ELAC1: variants seen among roughly 807,000 people sequenced by gnomAD.
ELAC1 encodes zinc phosphodiesterase ELAC protein 1.
In ELAC1, 19 loss-of-function variants were observed where a neutral mutation model predicts 25.8. The observed-to-expected ratio is 0.74, with a 90% CI of 0.51 to 1.08. The LOEUF (loss-of-function observed/expected upper bound fraction) is 1.08, where lower values mean the gene tolerates loss of function less well. Among genes scored for constraint, ELAC1 ranks in the 50% least tolerant of loss-of-function variants. The probability of loss-of-function intolerance (pLI) is 0.00; values close to 1 mark genes in which losing one functional copy is unlikely to be tolerated. For synonymous variants in ELAC1, 148 were observed against 160.9 expected, an observed-to-expected ratio of 0.92 and a Z score of 0.61; for missense variants, 403 against 434.6, an observed-to-expected ratio of 0.93 and a Z score of 0.65.
At position 50,986,660 on chromosome 18, in the gene ELAC1, A is replaced by G. The variant is rs766285345; in HGVS notation, c.667A>G (p.Ile223Val). The G allele has an allele frequency of 1.2e-6, 2 of 1,613,702 alleles. No individual in the cohort carries two copies. The highest frequency in any genetic ancestry group is 1.7e-6 in the Non-Finnish European group (2 of 1,179,692). Residue 223 changes from isoleucine (I) to valine (V), a missense_variant, in exon 4 of 4, where the codon ATT (isoleucine) becomes GTT (valine). Ile to Val is a conservative substitution (Grantham distance 29). Transcript: ENST00000269466. ...TGCCTATGGGAAGCTGAAAAATGGA[A>G]TTTCTGTTGTTCTGGAAAATGGGGT... Reference protein sequence around the residue: ...GPAYGKLKNGISVVLENGVTI... With the variant: ...GPAYGKLKNGVSVVLENGVTI...
At chr18:50,980,925 T>G (rs1053521697) in intron 2 of ELAC1, among the ~76,000 whole-genome samples, 1 of 152,114 alleles carries the variant, frequency 6.6e-6, no homozygotes, top group African/African-American at 2.4e-5. Flanking sequence ...TAACCTATTA[T>G]GGACCTATCA....
At chr18:50,984,787 C>T in intron 3 of ELAC1, 1 of 581,200 alleles carries the variant, frequency 1.7e-6, no homozygotes, top group Non-Finnish European at 3.0e-6. Context: ...CAAAAAGTAA[C>T]TGGGTGTGGT....
chr18:50,981,130 A>G (rs1431530327), intron 2 of ELAC1, among the ~76,000 whole-genome samples: 2 of 150,030 alleles, frequency 1.3e-5, no homozygotes, highest in African/African-American at 4.9e-5. Context: ...TTCCATGTAT[A>G]TTATTCTACA....
At chr18:50,979,766 G>T (rs1907892640) in intron 2 of ELAC1, among the ~76,000 whole-genome samples, 1 of 151,990 alleles carries the variant, frequency 6.6e-6, no homozygotes, top group Admixed American at 6.6e-5. Context: ...TTGCTCTGTA[G>T]CTCAGGCTGG....
chr18:50,972,020 A>G (rs1344706883), intron 1 of ELAC1, among the ~76,000 whole-genome samples: 3 of 142,052 alleles, frequency 2.1e-5, no homozygotes, highest in South Asian at 4.4e-4. Flanking sequence ...TTTTAGGAGC[A>G]TTAACCCCCT....
chr18:50,976,779 C>T (rs1484731002), intron 2 of ELAC1, among the ~76,000 whole-genome samples: 3 of 152,236 alleles, frequency 2.0e-5, no homozygotes, highest in Admixed American at 6.5e-5. Context: ...AAAGTCTCAT[C>T]TGAAACAAGG....
intron 3 of ELAC1, 32 bp from the exon 4 acceptor site, chr18:50,986,587 T>C (rs767119821): frequency 1.3e-6 from 2 of 1,500,736 alleles, no homozygotes; most frequent in Non-Finnish European, 1.8e-6. Context: ...ATTCCATTCC[T>C]ATGATGTAAT....
chr18:50,975,402 C>A (rs571338991), intron 2 of ELAC1, among the ~76,000 whole-genome samples: 1 of 151,876 alleles, frequency 6.6e-6, no homozygotes, highest in South Asian at 2.1e-4. Context: ...TTTACTTTGT[C>A]CTATTTTTAT....
At chr18:50,979,424 C>T (rs1907882558) in intron 2 of ELAC1, among the ~76,000 whole-genome samples, 1 of 152,160 alleles carries the variant, frequency 6.6e-6, no homozygotes, top group African/African-American at 2.4e-5. Context: ...GGACAGTCCA[C>T]CCTGAGCTCC....
chr18:50,980,466 A>G (rs1012906814), intron 2 of ELAC1, among the ~76,000 whole-genome samples: 1 of 152,014 alleles, frequency 6.6e-6, no homozygotes, highest in Non-Finnish European at 1.5e-5. Flanking sequence ...CTATACGCTT[A>G]GAAAAAAAAT....
rs774287830 is a variant in ELAC1, at chr18:50,984,178, G to T, written c.240G>T (p.Leu80=). 5 of 1,614,148 alleles carry T rather than the reference G, an allele frequency of 3.1e-6. No homozygotes were observed. The highest frequency in any genetic ancestry group is 1.6e-4 in the Middle Eastern group (1 of 6,062). ...GLPGLLCTIS[L]QSGSMVSKQP... is the part of the protein sequence containing the mutation. ...CTGGGCTCCTCTGCACAATCAGCCT[G>T]CAGAGTGGCTCCATGGTGTCCAAAC... is the stretch of plus-strand genomic sequence containing the variant. Residue 80 remains leucine, a synonymous_variant, in exon 3 of 4, where the codon CTG becomes CTT. Coordinates refer to ENST00000269466, the MANE Select transcript of ELAC1 (RefSeq NM_018696.3).
chr18:50,971,906 G>GTATATATA (rs1395917341), intron 1 of ELAC1, among the ~76,000 whole-genome samples: 23 of 108,442 alleles, frequency 2.1e-4, no homozygotes, highest in Non-Finnish European at 3.8e-4. Flanking sequence ...ATGTGTGTGT[G>GTATATATA]TGTGTGTATA....
intron 2 of ELAC1, among the ~76,000 whole-genome samples, chr18:50,982,045 C>A (rs1907966835): frequency 6.6e-6 from 1 of 151,996 alleles, no homozygotes; most frequent in South Asian, 2.1e-4. Flanking sequence ...AGGGTTTCTC[C>A]AAGTTGATCA....
At chr18:50,971,906 G>GTATATA (rs1395917341) in intron 1 of ELAC1, among the ~76,000 whole-genome samples, 33 of 108,432 alleles carry the variant, frequency 3.0e-4, no homozygotes, top group African/African-American at 4.9e-4. Flanking sequence ...ATGTGTGTGT[G>GTATATA]TGTGTGTATA....
At chr18:50,981,460 A>G (rs1459905267) in intron 2 of ELAC1, among the ~76,000 whole-genome samples, 2 of 151,954 alleles carry the variant, frequency 1.3e-5, no homozygotes, top group Non-Finnish European at 2.9e-5. Flanking sequence ...CAATATACCT[A>G]TGTCTTCATT....
chr18:50,970,736 T>TA (rs199545694), intron 1 of ELAC1, among the ~76,000 whole-genome samples: 241 of 151,072 alleles, frequency 1.6e-3, no homozygotes, highest in African/African-American at 5.6e-3. Flanking sequence ...AATATAAATT[T>TA]AAAAAAAATA....
At chr18:50,985,330 C>T (rs1908077829) in intron 3 of ELAC1, among the ~76,000 whole-genome samples, 1 of 152,194 alleles carries the variant, frequency 6.6e-6, no homozygotes, top group Admixed American at 6.5e-5. Context: ...ACTTTGCTTA[C>T]TAATTTAACC....
At chr18:50,972,049 C>CT (rs547639489) in intron 1 of ELAC1, among the ~76,000 whole-genome samples, 23 of 122,798 alleles carry the variant, frequency 1.9e-4, no homozygotes, top group South Asian at 1.2e-3. Flanking sequence ...GGGGTCCAAA[C>CT]TTTTTTTTTT....
intron 2 of ELAC1, among the ~76,000 whole-genome samples, chr18:50,979,991 A>G (rs1409518845): frequency 6.6e-6 from 1 of 152,102 alleles, no homozygotes; most frequent in African/African-American, 2.4e-5. Flanking sequence ...TTGTCCTCCC[A>G]AAGTGCTAGG....
Sources: allele counts gnomAD v4.1 joint callset (sites outside exome capture counted in the v4.1 genomes callset), GRCh38; gene constraint gnomAD v4.1.1; transcripts MANE v1.5; gene names NCBI Gene and HGNC (gene_info 2026-07-23, HGNC 2026-07-21).